Variants in SESTD1 observed in about 807,000 individuals in gnomAD.
The protein encoded by SESTD1 is SEC14 domain and spectrin repeat-containing protein 1.
SESTD1 carries 43 observed loss-of-function variants against 101.7 expected under a neutral mutation model. The observed-to-expected ratio is 0.42, with a 90% confidence interval of 0.33 to 0.55. SESTD1 has a LOEUF of 0.55. SESTD1 is among the 20% of genes least tolerant of loss of function. SESTD1 has a pLI of 0.07. For synonymous variants in SESTD1, 283 were observed against 286.8 expected, an observed-to-expected ratio of 0.99 and a Z score of 0.13; for missense variants, 647 against 815.1, an observed-to-expected ratio of 0.79 and a Z score of 2.51.
At chr2:179,147,365 GT>G (rs113504437) in intron 7 of SESTD1, among the ~76,000 whole-genome samples, 105 of 141,112 alleles carry the variant, frequency 7.4e-4, no homozygotes, top group East Asian at 5.8e-3. Context: ...TTGTTTTTTT[GT>G]TTTTTTTTTT....
Position 179,206,291 on chromosome 2 carries a change from C to T in SESTD1, c.-25-14425G>A, listed in dbSNP as rs765712274. ...CAGAGCCTTCAAAAGAAGTGGCTTGCTGCTGCAAACACCACAAAACAGCTA... is the reference window on the plus strand; with the variant it reads ...CAGAGCCTTCAAAAGAAGTGGCTTGTTGCTGCAAACACCACAAAACAGCTA... On this transcript the variant is annotated intron_variant, in intron 1 of 17. Transcript: ENST00000428443. Among the ~76,000 whole-genome samples, 10 of 135,790 alleles carry T rather than the reference C, an allele frequency of 7.4e-5. 3 individuals are homozygous for T. The highest frequency in any genetic ancestry group is 1.1e-4 in the Non-Finnish European group (7 of 62,976). The allele number at this position is 135,790 out of a possible 152,430, so 89.1% of individuals were successfully genotyped here.
chr2:179,195,585 A>C (rs2046378639), intron 1 of SESTD1, among the ~76,000 whole-genome samples: 1 of 152,256 alleles, frequency 6.6e-6, no homozygotes, highest in Non-Finnish European at 1.5e-5. Flanking sequence ...AACAAGCCCT[A>C]GCAAGAAAGC....
rs116578295 is a variant in SESTD1, at chr2:179,158,406, T to C, written c.370-7015A>G. ...ATAGTTCCTAAATGCACCAAAATCA[T>C]TGATAAACATGTTTCAAGTTTAATG... On this transcript the variant is annotated intron_variant, in intron 5 of 17. Coordinates refer to ENST00000428443, the MANE Select transcript of SESTD1 (RefSeq NM_178123.5). Among the ~76,000 whole-genome samples, 642 of 152,286 alleles carry C rather than the reference T, an allele frequency of 4.2e-3. 2 individuals carry two copies. The highest frequency in any genetic ancestry group is 0.014 in the African/African-American group (595 of 41,570).
rs573634198 is a variant in SESTD1, at chr2:179,240,247, C to T, written c.-26+24252G>A. ...ATTAAGAAGCTCTCTGAATAACAGA[C>T]GAAGAAACTTAGATGATGATCTACA... On this transcript the variant is annotated intron_variant, in intron 1 of 17. Transcript: ENST00000428443. Among the ~76,000 whole-genome samples the T allele has an allele frequency of 3.9e-5, 6 of 152,174 alleles. 1 individual carries two copies. The highest frequency in any genetic ancestry group is 4.1e-4 in the South Asian group (2 of 4,822).
At chr2:179,112,302 T>A (rs1456211491) in intron 17 of SESTD1, among the ~76,000 whole-genome samples, 1 of 152,200 alleles carries the variant, frequency 6.6e-6, no homozygotes, top group African/African-American at 2.4e-5. Flanking sequence ...TCAGGAATAA[T>A]CATACTGGTT....
intron 1 of SESTD1, among the ~76,000 whole-genome samples, chr2:179,209,365 C>CAA (rs2046624296): frequency 7.4e-6 from 1 of 134,548 alleles, no homozygotes; most frequent in Admixed American, 7.2e-5. Flanking sequence ...CACCCTAGAA[C>CAA]AAATGGACTT....
rs1434764032 is a variant in SESTD1 at position 179,106,635 on chromosome 2, C to G, written c.*3264G>C. The G allele has an allele frequency of 6.6e-6, 1 of 152,094 alleles. No individual in the cohort carries two copies. The highest frequency in any genetic ancestry group is 1.5e-5 in the Non-Finnish European group (1 of 68,012). The allele number at this position is 152,094 out of a possible 1,614,324, so 9.4% of individuals were successfully genotyped here. A position where few individuals can be genotyped will look rare whatever the true frequency, so the allele number is the denominator to read the frequency against. ...TAACAAACATGTTAAGACTAGCTAA[C>G]ACATGGGAGCAATAGCCAATGTAAA... On this transcript the variant is annotated 3_prime_UTR_variant, in exon 18 of 18. Coordinates refer to ENST00000428443, the MANE Select transcript of SESTD1 (RefSeq NM_178123.5).
chr2:179,162,937 G>A (rs1390574180), intron 5 of SESTD1, among the ~76,000 whole-genome samples: 1 of 150,734 alleles, frequency 6.6e-6, no homozygotes, highest in African/African-American at 2.4e-5. Flanking sequence ...GTTGCAGTGA[G>A]CCAAGATTGC....
intron 1 of SESTD1, among the ~76,000 whole-genome samples, chr2:179,216,324 C>T (rs2046719905): frequency 7.4e-6 from 1 of 135,076 alleles, no homozygotes; most frequent in South Asian, 2.8e-4. Flanking sequence ...AAACCACAAG[C>T]CCTTCTATAC....
intron 1 of SESTD1, among the ~76,000 whole-genome samples, chr2:179,237,702 G>A (rs2047089759): frequency 6.6e-6 from 1 of 152,124 alleles, no homozygotes; most frequent in Non-Finnish European, 1.5e-5. Flanking sequence ...CTTGTAATAT[G>A]ACACATATGC....
chr2:179,122,196 T>G (rs1166596780), intron 12 of SESTD1, among the ~76,000 whole-genome samples: 1 of 152,186 alleles, frequency 6.6e-6, no homozygotes, highest in African/African-American at 2.4e-5. Flanking sequence ...AGACAATAAT[T>G]ACTTTTAAAA....
At chr2:179,159,888 CTT>C (rs547706328) in intron 5 of SESTD1, among the ~76,000 whole-genome samples, 2 of 152,188 alleles carry the variant, frequency 1.3e-5, no homozygotes, top group African/African-American at 2.4e-5. Flanking sequence ...GAGTTTTGCT[CTT>C]GTCACCCAGA....
At chr2:179,235,681 A>G (rs2047055729) in intron 1 of SESTD1, among the ~76,000 whole-genome samples, 1 of 151,830 alleles carries the variant, frequency 6.6e-6, no homozygotes, top group African/African-American at 2.4e-5. Flanking sequence ...TCCTGACTCC[A>G]CTCACCCGCC....
chr2:179,200,609 A>G (rs1033319477), intron 1 of SESTD1, among the ~76,000 whole-genome samples: 5 of 152,068 alleles, frequency 3.3e-5, no homozygotes, highest in African/African-American at 1.2e-4. Flanking sequence ...GCTCTCAGAA[A>G]TAACGCTGGA....
At chr2:179,253,235 C>CA (rs925685834) in intron 1 of SESTD1, among the ~76,000 whole-genome samples, 63 of 147,140 alleles carry the variant, frequency 4.3e-4, no homozygotes, top group Admixed American at 1.2e-3. Context: ...AACAAACAAA[C>CA]AAAAAAAAAA....
chr2:179,166,825 ACT>A (rs1418736294), intron 5 of SESTD1, among the ~76,000 whole-genome samples: 1 of 152,232 alleles, frequency 6.6e-6, no homozygotes, highest in Non-Finnish European at 1.5e-5. Flanking sequence ...CCTGTGGTGC[ACT>A]GAGGAAAATA....
At chr2:179,227,871 T>C (rs2046913256) in intron 1 of SESTD1, among the ~76,000 whole-genome samples, 1 of 152,168 alleles carries the variant, frequency 6.6e-6, no homozygotes, top group African/African-American at 2.4e-5. Context: ...ATTAGGTGTG[T>C]GACCTTAAGC....
rs183903470 is a variant in SESTD1 at position 179,216,126 on chromosome 2, G to A, written c.-25-24260C>T. Among the ~76,000 whole-genome samples the A allele has an allele frequency of 3.7e-5, 5 of 135,152 alleles. No homozygotes were observed. The East Asian group carries it at 9.9e-4, about 27-fold the overall frequency. 88.7% of individuals were successfully genotyped at this position (135,152 alleles called of 152,430 possible). A position where few individuals can be genotyped will look rare whatever the true frequency, so the allele number is the denominator to read the frequency against. Reference sequence around the variant, plus strand: ...ACTCCTATTCAACACAGCGTTGGAAGTTCTGGCCAGGGCAATTAGGCAGGA... The same window carrying A: ...ACTCCTATTCAACACAGCGTTGGAAATTCTGGCCAGGGCAATTAGGCAGGA... On this transcript the variant is annotated intron_variant, in intron 1 of 17. Coordinates refer to ENST00000428443, the MANE Select transcript of SESTD1 (RefSeq NM_178123.5).
intron 1 of SESTD1, among the ~76,000 whole-genome samples, chr2:179,211,883 A>G (rs1246500789): frequency 3.0e-5 from 4 of 133,666 alleles, no homozygotes; most frequent in African/African-American, 8.9e-5. Flanking sequence ...GATGAGAAAT[A>G]AAAGACTACA....
Sources: allele counts gnomAD v4.1 joint callset (sites outside exome capture counted in the v4.1 genomes callset), GRCh38; gene constraint gnomAD v4.1.1; transcripts MANE v1.5; gene names NCBI Gene and HGNC (gene_info 2026-07-23, HGNC 2026-07-21).